Variants in AUNIP observed in about 807,000 individuals in gnomAD.
AUNIP encodes the protein aurora kinase A- and ninein-interacting protein.
Under a neutral mutation model 12.2 loss-of-function variants are expected in AUNIP, and 16 were observed. The ratio of observed to expected loss-of-function variants is 1.31; its 90% CI spans 0.88 to 1.99. The LOEUF is 1.99. Ranked by LOEUF, AUNIP falls within the 30% of genes most tolerant of loss-of-function variation. The probability of loss-of-function intolerance (pLI) is 0.00; values close to 1 mark genes in which losing one functional copy is unlikely to be tolerated. For missense variants in AUNIP, 411 were observed against 419.1 expected, an observed-to-expected ratio of 0.98 and a Z score of 0.17; for synonymous variants, 142 against 154.8, an observed-to-expected ratio of 0.92 and a Z score of 0.61.
intron 1 of AUNIP, among the ~76,000 whole-genome samples, chr1:25,855,157 A>G (rs1171704886): frequency 6.6e-6 from 1 of 151,934 alleles, no homozygotes; most frequent in East Asian, 1.9e-4. Flanking sequence ...GGGTTTCACC[A>G]TGTTGGCCAG....
chr1:25,834,137 A>ATC lies in AUNIP; in HGVS notation c.*855_*856insGA. 1.0e-6 allele frequency: 1 copy of ATC among 985,154 alleles called. No individual in the cohort carries two copies. Among genetic ancestry groups the ATC allele is most frequent in the Non-Finnish European group, 1.2e-6 (1 of 829,686 alleles). 61.0% of individuals were successfully genotyped at this position (985,154 alleles called of 1,614,324 possible). On this transcript the variant is annotated 3_prime_UTR_variant, in exon 3 of 3. Transcript: ENST00000374298. ...CTTTTTAAGGGAGATATTTAAACAT[A>ATC]GAGTATATAACTTTAAAGTGCTGTA...
downstream of AUNIP, chr1:25,832,977 A>G (rs1193180536): frequency 6.6e-6 from 1 of 152,222 alleles, no homozygotes; most frequent in Admixed American, 6.5e-5. Flanking sequence ...GCGATTACCC[A>G]GTATCCTTCA....
At chr1:25,844,541 T>C (rs1334676380) in intron 1 of AUNIP, among the ~76,000 whole-genome samples, 1 of 152,250 alleles carries the variant, frequency 6.6e-6, no homozygotes, top group Admixed American at 6.5e-5. Flanking sequence ...ATCTTTTAAC[T>C]CTTCCGATAA....
At chr1:25,853,341 A>C (rs1289854528) in intron 1 of AUNIP, among the ~76,000 whole-genome samples, 3 of 152,200 alleles carry the variant, frequency 2.0e-5, no homozygotes, top group East Asian at 1.9e-4. Context: ...TCATGCCTGT[A>C]ATCCCAGCAC....
In AUNIP at chr1:25,834,749, T is replaced by G; in HGVS notation, c.*244A>C. The G allele has an allele frequency of 7.3e-7, 1 of 1,361,616 alleles. No individual in the cohort carries two copies. Among genetic ancestry groups the G allele is most frequent in the South Asian group, 1.9e-5 (1 of 53,626 alleles). 84.3% of individuals were successfully genotyped at this position (1,361,616 alleles called of 1,614,324 possible). On this transcript the variant is annotated 3_prime_UTR_variant, in exon 3 of 3. Transcript: ENST00000374298. ...AAATACCCACTGTGCTGCCTCAGTGTTCATCATAGACTCATTCAGGGAATT... is the reference window on the plus strand; with the variant it reads ...AAATACCCACTGTGCTGCCTCAGTGGTCATCATAGACTCATTCAGGGAATT...
chr1:25,838,493 A>G (rs1422653583), intron 1 of AUNIP, among the ~76,000 whole-genome samples: 1 of 151,440 alleles, frequency 6.6e-6, no homozygotes, highest in Non-Finnish European at 1.5e-5. Context: ...ACAGAGCAAG[A>G]CTCCGTTTCA....
At chr1:25,852,234 G>A (rs769651935) in intron 1 of AUNIP, among the ~76,000 whole-genome samples, 16 of 152,158 alleles carry the variant, frequency 1.1e-4, no homozygotes, top group Non-Finnish European at 1.6e-4. Context: ...GATTATAGGT[G>A]TGAGCCACTG....
rs2124494754 is a variant in AUNIP, at chr1:25,835,847, C to G, written c.221-1G>C. 1.9e-6 allele frequency: 3 copies of G among 1,611,806 alleles called. No homozygotes were observed. The highest frequency in any genetic ancestry group is 2.5e-6 in the Non-Finnish European group (3 of 1,178,208). ...TTCTGGTCACTGCCATTTGTCTTTC[C>G]TAATAAAACAGGAATGAACAAATAT... On this transcript the variant is annotated splice_acceptor_variant, in intron 2 of 2. Coordinates refer to ENST00000374298, the MANE Select transcript of AUNIP (RefSeq NM_024037.3). LOFTEE classifies it high-confidence loss of function.
chr1:25,843,881 T>C (rs781332776), intron 1 of AUNIP, among the ~76,000 whole-genome samples: 59 of 152,254 alleles, frequency 3.9e-4, no homozygotes, highest in Non-Finnish European at 5.4e-4. Flanking sequence ...AAGTGGCTTC[T>C]TGCAATGGAG....
chr1:25,850,081 G>A lies in AUNIP; in HGVS notation c.78+9199C>T, dbSNP rs193214727. Among the ~76,000 whole-genome samples, 354 of 151,898 alleles carry A rather than the reference G, an allele frequency of 2.3e-3. 1 individual carries two copies. Among genetic ancestry groups the A allele is most frequent in the African/African-American group, 8.2e-3 (340 of 41,394 alleles). On this transcript the variant is annotated intron_variant, in intron 1 of 2. Transcript: ENST00000374298. The stretch of plus-strand genomic sequence containing the variant: ...CAGACATACGTTTTCCTATCTCTCG[G>A]GGGTACATACTTAAATGGGCAAATT...
chr1:25,842,427 A>G (rs1157464402), intron 1 of AUNIP, among the ~76,000 whole-genome samples: 2 of 152,250 alleles, frequency 1.3e-5, no homozygotes, highest in African/African-American at 4.8e-5. Context: ...ATGAGGTTGA[A>G]GGAAAAAAAC....
At chr1:25,838,230 C>A (rs1410682371) in intron 1 of AUNIP, among the ~76,000 whole-genome samples, 2 of 151,998 alleles carry the variant, frequency 1.3e-5, no homozygotes, top group Non-Finnish European at 2.9e-5. Context: ...TAAGGCCAGG[C>A]GTGGTGGCTC....
At chr1:25,843,125 C>T (rs1400901771) in intron 1 of AUNIP, among the ~76,000 whole-genome samples, 1 of 148,942 alleles carries the variant, frequency 6.7e-6, no homozygotes, top group Non-Finnish European at 1.5e-5. Context: ...TGTAGTGAGC[C>T]ATGATCATGC....
chr1:25,835,293 G>A lies in AUNIP; in HGVS notation c.774C>T (p.Asn258=), dbSNP rs774539207. ...QTYRESWNGE[N]IESVKQSRSP... is the part of the protein sequence containing the mutation. ...TACGGCTTTGTTTCACTGATTCTAT[G>A]TTTTCTCCATTCCAGGATTCCCTGT... The change falls in exon 3 of 3, where the codon AAC becomes AAT. Residue 258 remains asparagine, a synonymous_variant. Coordinates refer to ENST00000374298, the MANE Select transcript of AUNIP (RefSeq NM_024037.3). 3 of 1,614,194 alleles carry A rather than the reference G, an allele frequency of 1.9e-6. No homozygotes were observed. The highest frequency in any genetic ancestry group is 3.3e-5 in the Admixed American group (2 of 60,028).
intron 1 of AUNIP, among the ~76,000 whole-genome samples, chr1:25,844,505 C>CT (rs1240740409): frequency 6.6e-6 from 1 of 152,130 alleles, no homozygotes; most frequent in East Asian, 1.9e-4. Flanking sequence ...TTCCACAGCA[C>CT]TTAAATTAAG....
intron 1 of AUNIP, among the ~76,000 whole-genome samples, chr1:25,848,483 CAAAAAAAAAAAA>C (rs761716480): frequency 1.6e-5 from 1 of 62,472 alleles, no homozygotes; most frequent in East Asian, 6.2e-4. Flanking sequence ...AACTCCGTCT[CAAAAAAAAAAAA>C]AAAAAAAAAA....
intron 2 of AUNIP, among the ~76,000 whole-genome samples, chr1:25,837,181 C>T (rs1465440798): frequency 3.3e-5 from 5 of 152,162 alleles, no homozygotes; most frequent in African/African-American, 1.2e-4. Flanking sequence ...TCAGCAAATA[C>T]AAATATTTAA....
At chr1:25,842,737 C>T (rs764893699) in intron 1 of AUNIP, among the ~76,000 whole-genome samples, 7 of 152,110 alleles carry the variant, frequency 4.6e-5, no homozygotes, top group Non-Finnish European at 8.8e-5. Flanking sequence ...ATCCTTAGGC[C>T]TTAAGAATTA....
In AUNIP at chr1:25,847,386, C is replaced by T. The variant is rs2048391333; in HGVS notation, c.79-9832G>A. On this transcript the variant is annotated intron_variant, in intron 1 of 2. Transcript: ENST00000374298. This position sits in a 1 kb window ranked among gnomAD's most constrained non-coding sequence, Gnocchi z 4.2. ...AAGTGATTCTGCTGCCTCAGCCTCC[C>T]GTGTAGCTGGGATTACAGGCATGCG... Among the ~76,000 whole-genome samples the T allele has an allele frequency of 6.6e-6, 1 of 152,112 alleles. No homozygotes were observed. Among genetic ancestry groups the T allele is most frequent in the African/African-American group, 2.4e-5 (1 of 41,496 alleles).
Sources: gnomAD v4.1 joint callset for allele counts (sites outside exome capture counted in the v4.1 genomes callset) on GRCh38, gnomAD v4.1.1 for gene constraint, Gnocchi (gnomAD v3.1) non-coding constraint, MANE v1.5 for transcripts, NCBI Gene and HGNC (gene_info 2026-07-23, HGNC 2026-07-21) for gene names.